The following NCKAP5 variants were observed in gnomAD, a reference collection of about 807,000 sequenced individuals.
NCKAP5 encodes nck-associated protein 5.
NCKAP5 carries 92 observed loss-of-function variants against 167.0 expected under a neutral mutation model. The ratio of observed to expected loss-of-function variants is 0.55; its 90% CI spans 0.47 to 0.66. The LOEUF is 0.66. Ranked by LOEUF, NCKAP5 falls within the 30% of genes least tolerant of loss-of-function variation. The pLI, the probability that NCKAP5 is intolerant of heterozygous loss-of-function variation, is 0.00. For missense variants in NCKAP5, 2,378 were observed against 2,315.0 expected (o/e 1.03, Z -0.56); for synonymous variants, 891 against 877.4 (o/e 1.02, Z -0.27).
At chr2:133,618,553 A>C in the NCKAP5 span, among the ~76,000 whole-genome samples, 1 of 150,098 alleles carries the variant, frequency 6.7e-6, no homozygotes, top group African/African-American at 2.4e-5. Flanking sequence ...CACATGAAAA[A>C]ATGCTCACCA....
chr2:132,748,984 G>T (rs1679883066), intron 16 of NCKAP5, among the ~76,000 whole-genome samples: 1 of 151,792 alleles, frequency 6.6e-6, no homozygotes, highest in Non-Finnish European at 1.5e-5. Flanking sequence ...GGGTTTCAGG[G>T]TCTTGAACTC....
intron 7 of NCKAP5, among the ~76,000 whole-genome samples, chr2:132,988,000 C>G (rs2077338199): frequency 1.3e-5 from 2 of 152,230 alleles, no homozygotes; most frequent in South Asian, 4.2e-4. Context: ...GTGACTGGTA[C>G]ACTGCAGGTG....
At chr2:132,913,516 C>T (rs531126800) in intron 8 of NCKAP5, among the ~76,000 whole-genome samples, 1 of 152,146 alleles carries the variant, frequency 6.6e-6, no homozygotes, top group Non-Finnish European at 1.5e-5. Context: ...TGCCTGCTAC[C>T]TAGTTAGCTC....
At chr2:133,112,484 A>G (rs539022610) in intron 6 of NCKAP5, among the ~76,000 whole-genome samples, 29 of 152,290 alleles carry the variant, frequency 1.9e-4, no homozygotes, top group Non-Finnish European at 2.9e-4. Context: ...AAAAAAAAAA[A>G]AAGTATGCTG....
At chr2:132,757,482 C>T (rs993556110) in intron 16 of NCKAP5, among the ~76,000 whole-genome samples, 6 of 152,150 alleles carry the variant, frequency 3.9e-5, no homozygotes, top group Non-Finnish European at 7.3e-5. Flanking sequence ...CTGGCACATC[C>T]TCTTTGAATT....
the NCKAP5 span, among the ~76,000 whole-genome samples, chr2:133,668,451 C>T: frequency 0.04 from 6,070 of 152,090 alleles, 201 homozygotes; most frequent in Non-Finnish European, 0.063. Context: ...GCTGATATTT[C>T]TTATTGTCCA....
chr2:133,027,364 T>C (rs2078733161), intron 6 of NCKAP5, among the ~76,000 whole-genome samples: 1 of 152,240 alleles, frequency 6.6e-6, no homozygotes, highest in African/African-American at 2.4e-5. Context: ...GGTACCTATA[T>C]TCCAAACCCC....
chr2:133,483,473 CT>C (rs1192882917), intron 3 of NCKAP5, among the ~76,000 whole-genome samples: 2 of 152,158 alleles, frequency 1.3e-5, no homozygotes, highest in Non-Finnish European at 2.9e-5. Context: ...GACTTAGAAA[CT>C]TGCAAATGAG....
intron 16 of NCKAP5, among the ~76,000 whole-genome samples, chr2:132,771,733 C>T (rs1682072816): frequency 6.6e-6 from 1 of 151,362 alleles, no homozygotes; most frequent in Non-Finnish European, 1.5e-5. Context: ...AGTGCATTGG[C>T]ATGATCTCGG....
intron 11 of NCKAP5, among the ~76,000 whole-genome samples, chr2:132,811,186 G>A (rs986487108): frequency 2.0e-5 from 3 of 152,270 alleles, no homozygotes; most frequent in Middle Eastern, 3.4e-3. Context: ...GGAATGCAGT[G>A]GACTCCATGA....
intron 11 of NCKAP5, among the ~76,000 whole-genome samples, chr2:132,850,447 A>G (rs1437375595): frequency 6.6e-6 from 1 of 151,966 alleles, no homozygotes; most frequent in East Asian, 2.0e-4. Context: ...ACCGGAGAGA[A>G]CCCTGGCTAA....
chr2:132,739,602 G>A (rs1441572021), intron 16 of NCKAP5, among the ~76,000 whole-genome samples: 1 of 152,078 alleles, frequency 6.6e-6, no homozygotes, highest in Non-Finnish European at 1.5e-5. Context: ...GCCCCTGTAG[G>A]TACATAATAC....
chr2:132,699,329 T>G (rs920975786), intron 19 of NCKAP5, among the ~76,000 whole-genome samples: 3 of 152,176 alleles, frequency 2.0e-5, no homozygotes, highest in Non-Finnish European at 4.4e-5. Flanking sequence ...TTTGACATGA[T>G]AGATTTTTTT....
At position 132,741,958 on chromosome 2, in the gene NCKAP5, C is replaced by T. The variant is rs189215298; in HGVS notation, c.5129-9907G>A. 8.9e-4 allele frequency among the ~76,000 whole-genome samples: 136 copies of T among 152,200 alleles called. No individual in the cohort carries two copies. In the Middle Eastern group the frequency reaches 0.02, roughly 23 times the overall value. On this transcript the variant is annotated intron_variant, in intron 16 of 19. Transcript: ENST00000409261. Reference sequence around the variant, plus strand: ...TTTAAACCTAAACAAATGCTCTTTACGCATTCTCCTTTGTTCACAGACTCA... The same window carrying T: ...TTTAAACCTAAACAAATGCTCTTTATGCATTCTCCTTTGTTCACAGACTCA...
At chr2:133,274,954 C>T (rs1462520979) in intron 4 of NCKAP5, among the ~76,000 whole-genome samples, 2 of 150,622 alleles carry the variant, frequency 1.3e-5, no homozygotes, top group East Asian at 3.9e-4. Flanking sequence ...AATTTTAAAA[C>T]TTTGTAAAAA....
intron 5 of NCKAP5, among the ~76,000 whole-genome samples, chr2:133,173,220 C>T (rs188869800): frequency 5.9e-5 from 9 of 152,190 alleles, no homozygotes; most frequent in Admixed American, 5.9e-4. Context: ...TTGCCAGAGA[C>T]AACTTGATAG....
intron 16 of NCKAP5, among the ~76,000 whole-genome samples, chr2:132,742,259 C>T (rs1007043172): frequency 2.0e-5 from 3 of 151,916 alleles, no homozygotes; most frequent in Admixed American, 6.6e-5. Context: ...GGACAACTGC[C>T]TCTATTCTTA....
chr2:132,691,906 T>C (rs1686778609), intron 19 of NCKAP5, among the ~76,000 whole-genome samples: 1 of 152,122 alleles, frequency 6.6e-6, no homozygotes, highest in African/African-American at 2.4e-5. Context: ...AGAGCACTCT[T>C]GACAAAAATT....
intron 6 of NCKAP5, among the ~76,000 whole-genome samples, chr2:133,025,554 G>A (rs1369539169): frequency 1.3e-5 from 2 of 152,170 alleles, no homozygotes; most frequent in Admixed American, 6.5e-5. Flanking sequence ...GTGGGTAGAA[G>A]TGAGTTTTAG....
Sources: allele counts gnomAD v4.1 joint callset (sites outside exome capture counted in the v4.1 genomes callset), GRCh38; gene constraint gnomAD v4.1.1; transcripts MANE v1.5; gene names NCBI Gene and HGNC (gene_info 2026-07-23, HGNC 2026-07-21).